Variants in CCSER1 observed in about 807,000 individuals in gnomAD.
CCSER1 encodes the protein serine-rich coiled-coil domain-containing protein 1.
A neutral mutation model predicts 82.0 loss-of-function variants in CCSER1; 41 were observed. The observed-to-expected ratio is 0.50, with a 90% confidence interval of 0.39 to 0.65. The LOEUF is 0.65. Among genes scored for constraint, CCSER1 ranks in the 30% least tolerant of loss-of-function variants. The pLI is 0.00. For synonymous variants in CCSER1, 414 were observed against 383.9 expected (o/e 1.08, Z -0.92); for missense variants, 1,119 against 1,064.2 (o/e 1.05, Z -0.72).
At chr4:91,554,566 A>G (rs1270151458) in intron 10 of CCSER1, among the ~76,000 whole-genome samples, 1 of 151,322 alleles carries the variant, frequency 6.6e-6, no homozygotes, top group African/African-American at 2.4e-5. Context: ...AAATAAATGG[A>G]AAAATATCCT....
intron 1 of CCSER1, among the ~76,000 whole-genome samples, chr4:90,129,519 A>C (rs1722449053): frequency 6.6e-6 from 1 of 152,246 alleles, no homozygotes; most frequent in Non-Finnish European, 1.5e-5. Context: ...TTAATATTGC[A>C]AACTGAAATG....
intron 10 of CCSER1, among the ~76,000 whole-genome samples, chr4:91,264,486 AT>A (rs985511485): frequency 3.3e-5 from 5 of 151,940 alleles, no homozygotes; most frequent in Non-Finnish European, 5.9e-5. Flanking sequence ...TTGGAAAAGA[AT>A]TATCCAACTC....
intron 5 of CCSER1, among the ~76,000 whole-genome samples, chr4:90,609,616 T>C (rs952454007): frequency 8.5e-5 from 13 of 152,202 alleles, no homozygotes; most frequent in African/African-American, 3.1e-4. Context: ...CAGTATGTGG[T>C]ATCTTATATG....
At chr4:90,418,558 G>T (rs116087134) in intron 4 of CCSER1, among the ~76,000 whole-genome samples, 2,692 of 151,954 alleles carry the variant, frequency 0.018, 49 homozygotes, top group African/African-American at 0.036. Context: ...GAGAAAGTTG[G>T]AGCTTTGAGT....
rs954548271 is a variant in CCSER1, at chr4:91,602,383, AATT to A, written c.*3332_*3334del. Among the ~76,000 whole-genome samples, 1 of 151,972 alleles carries A rather than the reference AATT, an allele frequency of 6.6e-6. No individual in the cohort carries two copies. Among genetic ancestry groups the A allele is most frequent in the African/African-American group, 2.4e-5 (1 of 41,428 alleles). On this transcript the variant is annotated 3_prime_UTR_variant, in exon 11 of 11. Transcript: ENST00000509176. ...CCCTCTCCAGAAAAAAGTTTTTAAA[AATT>A]ATTATGATATATTTAAGATTCACAT...
chr4:91,299,800 A>G (rs1744527474), intron 10 of CCSER1, among the ~76,000 whole-genome samples: 1 of 150,694 alleles, frequency 6.6e-6, no homozygotes, highest in Non-Finnish European at 1.5e-5. Flanking sequence ...TTTTTTAAAT[A>G]CATATATTAG....
Position 91,094,296 on chromosome 4 carries a change from A to AC in CCSER1, c.2217+8306dup, listed in dbSNP as rs1016765386. On this transcript the variant is annotated intron_variant, in intron 10 of 10. Transcript: ENST00000509176. Reference sequence around the variant, plus strand: ...CAAGTGTACTGAGTAGTAACACCTGACCCCGGATCTTCCCACTGAAAGGCA... The same window carrying AC: ...CAAGTGTACTGAGTAGTAACACCTGACCCCCGGATCTTCCCACTGAAAGGCA... Among the ~76,000 whole-genome samples, 167 of 152,230 alleles carry AC rather than the reference A, an allele frequency of 1.1e-3. 2 individuals carry two copies. Among genetic ancestry groups the AC allele is most frequent in the African/African-American group, 3.8e-3 (159 of 41,538 alleles).
At chr4:91,203,019 T>C (rs939408580) in intron 10 of CCSER1, among the ~76,000 whole-genome samples, 11 of 151,928 alleles carry the variant, frequency 7.2e-5, no homozygotes, top group South Asian at 6.2e-4. Context: ...TTGAATTTGA[T>C]GTTGACCTTC....
intron 10 of CCSER1, among the ~76,000 whole-genome samples, chr4:91,562,576 C>G (rs1252017588): frequency 1.3e-5 from 2 of 151,416 alleles, no homozygotes; most frequent in African/African-American, 4.8e-5. Context: ...ATTCAGAACC[C>G]TTGTTCCAGA....
At chr4:90,646,103 A>G (rs1461441716) in intron 6 of CCSER1, among the ~76,000 whole-genome samples, 4 of 152,186 alleles carry the variant, frequency 2.6e-5, no homozygotes, top group Admixed American at 1.3e-4. Flanking sequence ...AAATATTGCC[A>G]TGGATACATA....
Position 91,377,294 on chromosome 4 carries a change from T to C in CCSER1, c.2218-221278T>C, listed in dbSNP as rs1750497170. On this transcript the variant is annotated intron_variant, in intron 10 of 10. Transcript: ENST00000509176. Reference sequence around the variant, plus strand: ...ATGAGACAGCTGGGTCAAATGGTATTTCTAGTTCTAGATCCTTGAGGAATC... The same window carrying C: ...ATGAGACAGCTGGGTCAAATGGTATCTCTAGTTCTAGATCCTTGAGGAATC... 2.6e-5 allele frequency among the ~76,000 whole-genome samples: 4 copies of C among 152,290 alleles called. No individual in the cohort carries two copies. In the South Asian group the frequency reaches 8.3e-4, roughly 32 times the overall value.
chr4:91,379,389 T>C (rs573153465), intron 10 of CCSER1, among the ~76,000 whole-genome samples: 1 of 152,302 alleles, frequency 6.6e-6, no homozygotes, highest in Admixed American at 6.5e-5. Context: ...CCTGGACTTT[T>C]TTTTGGTTGG....
chr4:91,148,236 C>A (rs1729739127), intron 10 of CCSER1, among the ~76,000 whole-genome samples: 1 of 152,028 alleles, frequency 6.6e-6, no homozygotes, highest in South Asian at 2.1e-4. Flanking sequence ...GCGGTCTAAT[C>A]CATTTTTATA....
intron 10 of CCSER1, among the ~76,000 whole-genome samples, chr4:91,113,469 G>C (rs538636135): frequency 1.4e-4 from 22 of 152,288 alleles, no homozygotes; most frequent in African/African-American, 5.1e-4. Context: ...GTGATTAGTA[G>C]GTCATACAGC....
chr4:90,460,189 G>A (rs962672461), intron 4 of CCSER1, among the ~76,000 whole-genome samples: 1 of 147,916 alleles, frequency 6.8e-6, no homozygotes, highest in African/African-American at 2.6e-5. Context: ...GCCGGGCATG[G>A]TGGCGCGTGC....
At chr4:91,298,732 T>C (rs1387051161) in intron 10 of CCSER1, among the ~76,000 whole-genome samples, 2 of 152,044 alleles carry the variant, frequency 1.3e-5, no homozygotes, top group African/African-American at 4.8e-5. Flanking sequence ...TCCTGGCCTG[T>C]AAGACTACAA....
intron 5 of CCSER1, among the ~76,000 whole-genome samples, chr4:90,535,823 G>T (rs760626483): frequency 1.3e-5 from 2 of 151,972 alleles, no homozygotes; most frequent in Admixed American, 1.3e-4. Flanking sequence ...ATGATACTTT[G>T]CATAACTTAT....
At chr4:90,988,773 T>C (rs1439770017) in intron 9 of CCSER1, among the ~76,000 whole-genome samples, 1 of 151,846 alleles carries the variant, frequency 6.6e-6, no homozygotes, top group Non-Finnish European at 1.5e-5. Flanking sequence ...CTACTTATTT[T>C]AAGCTTTGAT....
At chr4:90,612,750 C>G (rs953779148) in intron 5 of CCSER1, among the ~76,000 whole-genome samples, 3 of 151,972 alleles carry the variant, frequency 2.0e-5, no homozygotes, top group Non-Finnish European at 4.4e-5. Flanking sequence ...AGACATAATC[C>G]CCTTAATGTT....
Sources: allele counts gnomAD v4.1 joint callset (sites outside exome capture counted in the v4.1 genomes callset), GRCh38; gene constraint gnomAD v4.1.1; transcripts MANE v1.5; gene names NCBI Gene and HGNC (gene_info 2026-07-23, HGNC 2026-07-21).